ERCC3: variants seen among roughly 807,000 people sequenced by gnomAD.
ERCC3 encodes ERCC excision repair 3, TFIIH core complex helicase subunit, also known as general transcription and DNA repair factor IIH helicase/translocase subunit XPB.
Under a neutral mutation model 94.2 loss-of-function variants are expected in ERCC3, and 66 were observed. That is an observed-to-expected ratio of 0.70 (90% CI 0.57 to 0.86). ERCC3 has a LOEUF of 0.86. ERCC3 is among the 40% of genes least tolerant of loss of function. The probability of loss-of-function intolerance (pLI) is 0.00; values close to 1 mark genes in which losing one functional copy is unlikely to be tolerated. For missense variants in ERCC3, 829 were observed against 987.1 expected, an observed-to-expected ratio of 0.84 and a Z score of 2.15; for synonymous variants, 349 against 369.1, an observed-to-expected ratio of 0.95 and a Z score of 0.63.
At chr2:127,282,835 T>C (rs1684958204) in intron 8 of ERCC3, among the ~76,000 whole-genome samples, 1 of 152,206 alleles carries the variant, frequency 6.6e-6, no homozygotes, top group African/African-American at 2.4e-5. Context: ...GAGTGTGAGA[T>C]GCACCTTTTT....
rs1210108802 is a variant in ERCC3, at chr2:127,257,675, A to T, written c.2270T>A (p.Val757Glu). ...MSSMSGADDT[V>E]YMEYHSSRSK... Reference sequence around the variant, plus strand: ...CCGCGATGAGTGGTACTCCATGTACACAGTGTCGTCGGCCCCAGACATAGA... The same window carrying T: ...CCGCGATGAGTGGTACTCCATGTACTCAGTGTCGTCGGCCCCAGACATAGA... The change falls in exon 15 of 15, where the codon GTG becomes GAG. Residue 757 changes from valine (V) to glutamate (E), a missense_variant. Val to Glu is a moderately radical substitution (Grantham distance 121). Transcript: ENST00000285398. The surrounding 1 kb of genome is among the most constrained non-coding windows in gnomAD (Gnocchi z 5.4). 1 of 1,614,106 alleles carries T rather than the reference A, an allele frequency of 6.2e-7. No individual in the cohort carries two copies. The highest frequency in any genetic ancestry group is 8.5e-7 in the Non-Finnish European group (1 of 1,180,042).
chr2:127,293,978 G>A, intron 1 of ERCC3, 76 bp downstream of exon 1: 1 of 1,572,058 alleles, frequency 6.4e-7, no homozygotes, highest in Non-Finnish European at 8.6e-7. Context: ...CAGAGGCCCG[G>A]AGCAGCTCCG....
At chr2:127,273,749 CAAAAAAAAAA>C (rs398039596) in intron 10 of ERCC3, among the ~76,000 whole-genome samples, 7 of 40,120 alleles carry the variant, frequency 1.7e-4, no homozygotes, top group East Asian at 7.0e-4. Context: ...AACTCTGTCT[CAAAAAAAAAA>C]AAAAAAAAAA....
intron 1 of ERCC3, 137 bp downstream of exon 1, chr2:127,293,917 A>G (rs554832796): frequency 2.7e-5 from 42 of 1,527,386 alleles, no homozygotes; most frequent in Middle Eastern, 2.0e-4. Flanking sequence ...TCCCGCCCAA[A>G]GGCCTGTCCC....
At chr2:127,260,480 G>C (rs759051468) in intron 13 of ERCC3, 1 of 152,356 alleles carries the variant, frequency 6.6e-6, no homozygotes, top group Admixed American at 6.5e-5. Flanking sequence ...CAGCATGAGA[G>C]GTCTGAAGTG....
intron 1 of ERCC3, 117 bp downstream of exon 1, chr2:127,293,937 C>A (rs533827107): frequency 6.9e-5 from 106 of 1,533,284 alleles, no homozygotes; most frequent in South Asian, 1.8e-4. Flanking sequence ...CAACGGGGTG[C>A]GCGCGGGAGG....
In ERCC3 at chr2:127,274,216, G is replaced by A. The variant is rs1457973834; in HGVS notation, c.1731-1255C>T. On this transcript the variant is annotated intron_variant, in intron 10 of 14. Transcript: ENST00000285398. This position sits in a 1 kb window ranked among gnomAD's most constrained non-coding sequence, Gnocchi z 4.0. ...TATAATCCCAGCTACTCAGGAGGCT[G>A]AAGCAGGAGAATCACTTGAACCTGG... Among the ~76,000 whole-genome samples the A allele has an allele frequency of 1.3e-5, 2 of 151,322 alleles. No homozygotes were observed. The highest frequency in any genetic ancestry group is 4.9e-5 in the African/African-American group (2 of 41,104).
At chr2:127,260,773 G>A (rs1203362916) in intron 13 of ERCC3, 4 of 208,014 alleles carry the variant, frequency 1.9e-5, no homozygotes, top group Non-Finnish European at 3.0e-5. Context: ...CGTAATATTT[G>A]TGTAACAGGA....
At position 127,259,677 on chromosome 2, in the gene ERCC3, G is replaced by C. The variant is rs1224902429; in HGVS notation, c.2065-229C>G. On this transcript the variant is annotated intron_variant, in intron 13 of 14. Transcript: ENST00000285398. This position sits in a 1 kb window ranked among gnomAD's most constrained non-coding sequence, Gnocchi z 4.9. ...AGACCAGAGGGATGCAGGAATTTCA[G>C]AGAAATCTGCCCCCAGCACACAGCA... The C allele has an allele frequency of 1.8e-6, 1 of 570,038 alleles. No homozygotes were observed. The highest frequency in any genetic ancestry group is 3.1e-6 in the Non-Finnish European group (1 of 317,924). 35.3% of individuals were successfully genotyped at this position (570,038 alleles called of 1,614,324 possible).
intron 3 of ERCC3, 198 bp downstream of exon 3, chr2:127,292,412 C>T (rs1220758384): frequency 4.6e-6 from 3 of 657,544 alleles, no homozygotes; most frequent in Non-Finnish European, 8.3e-6. Flanking sequence ...AGTGTAGCGG[C>T]TCATGAGAAG....
rs147653814 is a variant in ERCC3 at position 127,286,886 on chromosome 2, T to A, written c.1159A>T (p.Ser387Cys). 6.8e-5 allele frequency: 110 copies of A among 1,614,120 alleles called. No individual in the cohort carries two copies. The highest frequency in any genetic ancestry group is 9.2e-5 in the Non-Finnish European group (108 of 1,180,042). ...TCGGAGGTGAACCGGCAGATCTGGC[T>A]GTCGTCAATGGTGGACCACATCTTG... The part of the protein sequence containing the change: ...QFKMWSTIDD[S>C]QICRFTSDAK... Residue 387 changes from serine (S) to cysteine (C), a missense_variant, in exon 8 of 15, where the codon AGC (serine) becomes TGC (cysteine). Coordinates refer to ENST00000285398, the MANE Select transcript of ERCC3 (RefSeq NM_000122.2).
chr2:127,261,096 A>G, intron 13 of ERCC3, 132 bp downstream of exon 13: 1 of 729,628 alleles, frequency 1.4e-6, no homozygotes. Flanking sequence ...AGATAAAGGG[A>G]GTTTGAGGCA....
At chr2:127,267,880 T>C (rs974243106) in intron 12 of ERCC3, among the ~76,000 whole-genome samples, 2 of 152,176 alleles carry the variant, frequency 1.3e-5, no homozygotes, top group African/African-American at 2.4e-5. Context: ...TGGCAGGATA[T>C]GGAATTCTTG....
chr2:127,267,350 G>A (rs962492168), intron 12 of ERCC3, among the ~76,000 whole-genome samples: 1 of 151,848 alleles, frequency 6.6e-6, no homozygotes, highest in Admixed American at 6.6e-5. Context: ...ATCGTGTAAT[G>A]ACCTTTTTGT....
rs569782240 is a variant in ERCC3 at position 127,280,672 on chromosome 2, T to C, written c.1343-41A>G. ...GAGCATTCACACTGTCACTTTTCTT[T>C]CTTATTTTTTATTTATTTATTTTAA... On this transcript the variant is annotated intron_variant, in intron 8 of 14. Coordinates refer to ENST00000285398, the MANE Select transcript of ERCC3 (RefSeq NM_000122.2). This position sits in a 1 kb window ranked among gnomAD's most constrained non-coding sequence, Gnocchi z 6.3. 17 of 1,527,440 alleles carry C rather than the reference T, an allele frequency of 1.1e-5. No homozygotes were observed. The highest frequency in any genetic ancestry group is 1.4e-5 in the African/African-American group (1 of 72,590). The allele number at this position is 1,527,440 out of a possible 1,614,324, so 94.6% of individuals were successfully genotyped here.
chr2:127,257,405 G>T lies in ERCC3; in HGVS notation c.*191C>A. 1.4e-6 allele frequency: 1 copy of T among 701,320 alleles called. No homozygotes were observed. The highest frequency in any genetic ancestry group is 1.7e-5 in the South Asian group (1 of 59,950). The allele number at this position is 701,320 out of a possible 1,614,324, so 43.4% of individuals were successfully genotyped here. On this transcript the variant is annotated 3_prime_UTR_variant, in exon 15 of 15. Transcript: ENST00000285398. This position sits in a 1 kb window ranked among gnomAD's most constrained non-coding sequence, Gnocchi z 5.4. ...TCCCCAAAAAGTTTGAAAAAATATT[G>T]TCTCCTCCTCCTTTATAAAACCCTA...
Position 127,286,733 on chromosome 2 carries a change from T to C in ERCC3, c.1312A>G (p.Met438Val). ...EWLKTQEWGL[M>V]ILDEVHTIPA... ...ATGGTGTGCACTTCATCCAGGATCA[T>C]GAGGCCCCACTCCTGGGTCTTGAGC... The change falls in exon 8 of 15, where the codon ATG becomes GTG. Residue 438 changes from methionine (M) to valine (V), a missense_variant. Met to Val is a conservative substitution (Grantham distance 21, BLOSUM62 1). Transcript: ENST00000285398. The C allele has an allele frequency of 6.2e-7, 1 of 1,614,072 alleles. No homozygotes were observed. Among genetic ancestry groups the C allele is most frequent in the Non-Finnish European group, 8.5e-7 (1 of 1,180,004 alleles).
At chr2:127,281,144 C>A (rs1254522916) in intron 8 of ERCC3, among the ~76,000 whole-genome samples, 2 of 152,166 alleles carry the variant, frequency 1.3e-5, no homozygotes, top group Admixed American at 6.5e-5. Flanking sequence ...CTAAATTACG[C>A]AAAGAATTTT....
In ERCC3 at chr2:127,261,274, G is replaced by A. The variant is rs375990467; in HGVS notation, c.2018C>T (p.Ser673Leu). The A allele has an allele frequency of 1.2e-6, 2 of 1,613,452 alleles. No individual in the cohort carries two copies. Among genetic ancestry groups the A allele is most frequent in the Non-Finnish European group, 1.7e-6 (2 of 1,179,446 alleles). Reference sequence around the variant, plus strand: ...TACCAAGAATCTCTGCCGCTTGGTTGAGTAAGCCATTTCCTGTGTGTCCTG... The same window carrying A: ...TACCAAGAATCTCTGCCGCTTGGTTAAGTAAGCCATTTCCTGTGTGTCCTG... ...VSQDTQEMAY[S>L]TKRQRFLVDQ... The change falls in exon 13 of 15, where the codon TCA becomes TTA. Residue 673 changes from serine (S) to leucine (L), a missense_variant. By Grantham distance (145) the Ser-to-Leu change is moderately radical. Transcript: ENST00000285398.
Sources: allele counts gnomAD v4.1 joint callset (sites outside exome capture counted in the v4.1 genomes callset), GRCh38; gene constraint gnomAD v4.1.1; non-coding constraint Gnocchi (gnomAD v3.1); transcripts MANE v1.5; gene names NCBI Gene and HGNC (gene_info 2026-07-23, HGNC 2026-07-21).